ROBO1: variants seen among roughly 807,000 people sequenced by gnomAD.
The protein encoded by ROBO1 is roundabout guidance receptor 1, also known as roundabout homolog 1.
Under a neutral mutation model 195.9 loss-of-function variants are expected in ROBO1, and 149 were observed. The ratio of observed to expected loss-of-function variants is 0.76; its 90% CI spans 0.67 to 0.87. ROBO1 has a LOEUF of 0.87. Ranked by LOEUF, ROBO1 falls within the 40% of genes least tolerant of loss-of-function variation. ROBO1 has a pLI of 0.00. For synonymous variants in ROBO1, 816 were observed against 733.2 expected, an observed-to-expected ratio of 1.11 and a Z score of -1.82; for missense variants, 1,933 against 2,068.3, an observed-to-expected ratio of 0.93 and a Z score of 1.27.
chr3:79,421,757 T>A (rs1384563328), intron 2 of ROBO1, among the ~76,000 whole-genome samples: 1 of 152,162 alleles, frequency 6.6e-6, no homozygotes, highest in Non-Finnish European at 1.5e-5. Context: ...ATTAAAATAT[T>A]GCTGACGGTA....
intron 2 of ROBO1, among the ~76,000 whole-genome samples, chr3:79,330,130 AAT>A (rs894128247): frequency 2.6e-5 from 4 of 151,776 alleles, no homozygotes; most frequent in African/African-American, 9.7e-5. Context: ...CTCACTGTGG[AAT>A]ATCTTTCTAT....
In ROBO1 at chr3:79,381,859, C is replaced by T. The variant is rs376009698; in HGVS notation, c.88+207965G>A. The stretch of plus-strand genomic sequence containing the variant: ...CACATATCCCAGATAAAATTTTGTA[C>T]GTCTTTTCAAATTTAATATATTTGA... On this transcript the variant is annotated intron_variant, in intron 2 of 30. Coordinates refer to ENST00000464233, the MANE Select transcript of ROBO1 (RefSeq NM_002941.4). Among the ~76,000 whole-genome samples the T allele has an allele frequency of 1.9e-4, 29 of 152,124 alleles. No individual in the cohort carries two copies. The East Asian group carries it at 2.9e-3, about 15-fold the overall frequency.
chr3:79,642,171 T>C (rs1388140130), intron 1 of ROBO1, among the ~76,000 whole-genome samples: 1 of 152,122 alleles, frequency 6.6e-6, no homozygotes, highest in Admixed American at 6.6e-5. Context: ...GCAGAATGGA[T>C]CAAGTAGTGA....
intron 4 of ROBO1, among the ~76,000 whole-genome samples, chr3:78,802,245 T>C (rs1317048338): frequency 6.6e-6 from 1 of 152,158 alleles, no homozygotes; most frequent in Non-Finnish European, 1.5e-5. Flanking sequence ...GCATGCTTTC[T>C]ATATCAAACT....
At position 78,971,282 on chromosome 3, in the gene ROBO1, G is replaced by A. The variant is rs1049115829; in HGVS notation, c.173-32355C>T. 7.9e-5 allele frequency among the ~76,000 whole-genome samples: 12 copies of A among 152,192 alleles called. 1 individual carries two copies. Among genetic ancestry groups the A allele is most frequent in the Middle Eastern group, 6.8e-3 (2 of 294 alleles). On this transcript the variant is annotated intron_variant, in intron 3 of 30. Transcript: ENST00000464233. ...TGGGCATCTGTAGTCCCAGTTACTC[G>A]GGAGGCTGAGGCAGGAGGATCACCT...
At chr3:78,664,649 G>A (rs138129067) in intron 14 of ROBO1, among the ~76,000 whole-genome samples, 370 of 152,154 alleles carry the variant, frequency 2.4e-3, no homozygotes, top group Admixed American at 6.1e-3. Flanking sequence ...TGCACCTTTA[G>A]CTTTTGACCC....
chr3:79,037,797 T>G (rs1457683966), intron 3 of ROBO1, among the ~76,000 whole-genome samples: 1 of 152,230 alleles, frequency 6.6e-6, no homozygotes, highest in Admixed American at 6.5e-5. Context: ...TTTTATGTTC[T>G]AATTTAGCTT....
intron 2 of ROBO1, among the ~76,000 whole-genome samples, chr3:79,244,170 C>T (rs1465479505): frequency 6.6e-6 from 1 of 152,092 alleles, no homozygotes; most frequent in East Asian, 1.9e-4. Flanking sequence ...ATCATATATT[C>T]TTCCTCCTTG....
chr3:79,546,970 A>G (rs1942287518), intron 2 of ROBO1, among the ~76,000 whole-genome samples: 1 of 151,936 alleles, frequency 6.6e-6, no homozygotes, highest in South Asian at 2.1e-4. Context: ...TCACGAGGTC[A>G]GGAGATCAAG....
At chr3:78,873,033 C>T (rs1454242842) in intron 4 of ROBO1, among the ~76,000 whole-genome samples, 3 of 152,104 alleles carry the variant, frequency 2.0e-5, no homozygotes, top group Non-Finnish European at 4.4e-5. Context: ...ACAAGACTTA[C>T]CTGATAATGT....
intron 3 of ROBO1, among the ~76,000 whole-genome samples, chr3:79,099,289 C>CA (rs1402468132): frequency 6.6e-6 from 1 of 151,500 alleles, no homozygotes; most frequent in African/African-American, 2.4e-5. Flanking sequence ...ATTGGGCACA[C>CA]AAAAAATGAA....
chr3:79,232,247 T>A lies in ROBO1; in HGVS notation c.89-106708A>T, dbSNP rs536396336. On this transcript the variant is annotated intron_variant, in intron 2 of 30. Coordinates refer to ENST00000464233, the MANE Select transcript of ROBO1 (RefSeq NM_002941.4). ...GGAAATTAAGACATCCTCCTTGATT[T>A]AAAAAAAAAAAAAATATATATATAT... Among the ~76,000 whole-genome samples the A allele has an allele frequency of 3.2e-4, 43 of 133,692 alleles. 1 individual carries two copies. The highest frequency in any genetic ancestry group is 2.4e-3 in the Admixed American group (32 of 13,198). 87.7% of individuals were successfully genotyped at this position (133,692 alleles called of 152,430 possible). A position where few individuals can be genotyped will look rare whatever the true frequency, so the allele number is the denominator to read the frequency against.
At position 78,751,290 on chromosome 3, in the gene ROBO1, AAATAGT is replaced by A. The variant is rs1272214843; in HGVS notation, c.500-4396_500-4391del. On this transcript the variant is annotated intron_variant, in intron 4 of 30. Coordinates refer to ENST00000464233, the MANE Select transcript of ROBO1 (RefSeq NM_002941.4). Reference sequence around the variant, plus strand: ...CTCGGGGGAGAGGAGCATGCCACATAAATAGTAATAATAATAATAATAATAATAATG... The same window carrying A: ...CTCGGGGGAGAGGAGCATGCCACATAAATAATAATAATAATAATAATAATG... 2.7e-5 allele frequency among the ~76,000 whole-genome samples: 4 copies of A among 149,306 alleles called. No homozygotes were observed. In the South Asian group the frequency reaches 8.3e-4, roughly 31 times the overall value.
At chr3:78,671,380 A>T (rs1222901999) in intron 10 of ROBO1, among the ~76,000 whole-genome samples, 1 of 151,978 alleles carries the variant, frequency 6.6e-6, no homozygotes, top group African/African-American at 2.4e-5. Context: ...TTAATGAAAA[A>T]TTTTTAAAAG....
Position 79,431,507 on chromosome 3 carries a change from C to T in ROBO1, c.88+158317G>A, listed in dbSNP as rs78321604. On this transcript the variant is annotated intron_variant, in intron 2 of 30. Transcript: ENST00000464233. ...TGTTTTCTCCGGTTATCCCTGACTG[C>T]GATACCATGGTAATGCAGACTTTTC... is the stretch of plus-strand genomic sequence containing the variant. Among the ~76,000 whole-genome samples, 1,278 of 151,960 alleles carry T rather than the reference C, an allele frequency of 8.4e-3. 22 individuals are homozygous for T. Among genetic ancestry groups the T allele is most frequent in the African/African-American group, 0.029 (1,216 of 41,468 alleles).
intron 3 of ROBO1, among the ~76,000 whole-genome samples, chr3:78,968,774 T>C (rs538117025): frequency 6.6e-6 from 1 of 152,328 alleles, no homozygotes; most frequent in African/African-American, 2.4e-5. Flanking sequence ...GCATCCTTCT[T>C]GGCTGACAAA....
At chr3:79,212,162 T>C (rs147077607) in intron 2 of ROBO1, among the ~76,000 whole-genome samples, 2,935 of 152,268 alleles carry the variant, frequency 0.019, 54 homozygotes, top group Middle Eastern at 0.024. Flanking sequence ...CTTGCTCTCA[T>C]TCCGGTAAAC....
At chr3:79,553,203 G>C in intron 2 of ROBO1, among the ~76,000 whole-genome samples, 1 of 151,974 alleles carries the variant, frequency 6.6e-6, no homozygotes, top group East Asian at 1.9e-4. Context: ...TTGTCAGGGA[G>C]TGGATTTTTA....
rs139230341 is a variant in ROBO1, at chr3:79,580,197, C to G, written c.88+9627G>C. On this transcript the variant is annotated intron_variant, in intron 2 of 30. Coordinates refer to ENST00000464233, the MANE Select transcript of ROBO1 (RefSeq NM_002941.4). ...CATAATAAATCTTATCCCAGCCAGGCTCAGTGGCTCATGCCTGTAATCCCA... is the reference window on the plus strand; with the variant it reads ...CATAATAAATCTTATCCCAGCCAGGGTCAGTGGCTCATGCCTGTAATCCCA... Among the ~76,000 whole-genome samples, 442 of 152,134 alleles carry G rather than the reference C, an allele frequency of 2.9e-3. 2 individuals are homozygous for G. The highest frequency in any genetic ancestry group is 0.01 in the African/African-American group (416 of 41,494).
Sources: gnomAD v4.1 joint callset for allele counts (sites outside exome capture counted in the v4.1 genomes callset) on GRCh38, gnomAD v4.1.1 for gene constraint, MANE v1.5 for transcripts, NCBI Gene and HGNC (gene_info 2026-07-23, HGNC 2026-07-21) for gene names.